SMG6: variants seen among roughly 807,000 people sequenced by gnomAD.
SMG6 encodes the protein SMG6 nonsense mediated mRNA decay factor, also known as telomerase-binding protein EST1A.
A neutral mutation model predicts 142.2 loss-of-function variants in SMG6; 66 were observed. The observed-to-expected ratio is 0.46, with a 90% CI of 0.38 to 0.57. The LOEUF (loss-of-function observed/expected upper bound fraction) is 0.57, where lower values mean the gene tolerates loss of function less well. Ranked by LOEUF, SMG6 falls within the 20% of genes least tolerant of loss-of-function variation. The probability of loss-of-function intolerance (pLI) is 0.00; values close to 1 mark genes in which losing one functional copy is unlikely to be tolerated. For missense variants in SMG6, 1,793 were observed against 1,832.0 expected, an observed-to-expected ratio of 0.98 and a Z score of 0.39; for synonymous variants, 779 against 702.4, an observed-to-expected ratio of 1.11 and a Z score of -1.72.
chr17:2,177,985 G>A (rs577832967), intron 12 of SMG6, among the ~76,000 whole-genome samples: 11 of 152,328 alleles, frequency 7.2e-5, no homozygotes, highest in African/African-American at 1.9e-4. Flanking sequence ...GCCCTGGAGA[G>A]CTTCTCACTC....
At chr17:2,092,789 T>C (rs749732916) in intron 13 of SMG6, among the ~76,000 whole-genome samples, 2 of 152,254 alleles carry the variant, frequency 1.3e-5, no homozygotes, top group South Asian at 2.1e-4. Flanking sequence ...CTGGGCTTCA[T>C]AGTTACACAG....
intron 7 of SMG6, among the ~76,000 whole-genome samples, chr17:2,283,329 G>A (rs1359471080): frequency 6.6e-6 from 1 of 152,160 alleles, no homozygotes; most frequent in Non-Finnish European, 1.5e-5. Context: ...TATTAATTCT[G>A]TAGACTGAAG....
At chr17:2,153,744 G>C (rs1439697814) in intron 13 of SMG6, among the ~76,000 whole-genome samples, 2 of 144,030 alleles carry the variant, frequency 1.4e-5, no homozygotes, top group African/African-American at 5.3e-5. Context: ...GGAACCTGGG[G>C]ATGCATCTAG....
At chr17:2,217,566 A>G (rs1240103756) in intron 10 of SMG6, among the ~76,000 whole-genome samples, 6 of 151,892 alleles carry the variant, frequency 4.0e-5, no homozygotes, top group African/African-American at 1.5e-4. Flanking sequence ...CCATCTTTAC[A>G]CTTCTCTCTG....
intron 7 of SMG6, 125 bp from the exon 8 acceptor site, chr17:2,282,984 A>C: frequency 1.3e-6 from 1 of 794,480 alleles, no homozygotes. Flanking sequence ...CAGCCTGACC[A>C]ACATAGTGAA....
rs181158942 is a variant in SMG6, at chr17:2,266,271, C to T, written c.2661+16376G>A. ...CTGTGGGTAACACAGAATATACACA[C>T]GCACGCGAACAGGATATGCTGGTAA... On this transcript the variant is annotated intron_variant, in intron 8 of 18. Coordinates refer to ENST00000263073, the MANE Select transcript of SMG6 (RefSeq NM_017575.5). 7.4e-5 allele frequency: 50 copies of T among 673,734 alleles called. No individual in the cohort carries two copies. The East Asian group carries it at 3.1e-3, about 42-fold the overall frequency. 41.7% of individuals were successfully genotyped at this position (673,734 alleles called of 1,614,324 possible).
chr17:2,141,439 A>C (rs1353694825), intron 13 of SMG6, among the ~76,000 whole-genome samples: 4 of 152,174 alleles, frequency 2.6e-5, no homozygotes, highest in Non-Finnish European at 5.9e-5. Flanking sequence ...GTTCAGTTTG[A>C]GAAGGAACTT....
intron 8 of SMG6, among the ~76,000 whole-genome samples, chr17:2,269,248 G>C (rs528007551): frequency 6.7e-6 from 1 of 149,262 alleles, no homozygotes. Context: ...AAAATTAGCC[G>C]GGTGCAGTGG....
chr17:2,234,924 A>G (rs554422515), intron 10 of SMG6, among the ~76,000 whole-genome samples: 1 of 152,296 alleles, frequency 6.6e-6, no homozygotes, highest in Admixed American at 6.5e-5. Context: ...AAGAAGCCAC[A>G]GGTCATTTGG....
Position 2,283,730 on chromosome 17 carries a change from C to G in SMG6, c.2343G>C (p.Arg781Ser). 1 of 1,613,634 alleles carries G rather than the reference C, an allele frequency of 6.2e-7. No homozygotes were observed. The highest frequency in any genetic ancestry group is 8.5e-7 in the Non-Finnish European group (1 of 1,179,650). Residue 781 changes from arginine (R) to serine (S), a missense_variant, in exon 7 of 19, where the codon AGG becomes AGC. By Grantham distance (110) the Arg-to-Ser change is moderately radical. Transcript: ENST00000263073. ...QLALLAVYTR[R>S]KLDAVYYYMR... is the part of the protein sequence containing the mutation. The stretch of plus-strand genomic sequence containing the variant: ...TATAGTAATAGACAGCGTCAAGCTT[C>G]CTCCTCTGTGGAAAGAGGCCAGAGA...
intron 13 of SMG6, among the ~76,000 whole-genome samples, chr17:2,132,339 G>GA (rs1175754324): frequency 6.6e-6 from 1 of 152,180 alleles, no homozygotes; most frequent in Non-Finnish European, 1.5e-5. Flanking sequence ...AATGTTGAAT[G>GA]AACGCGAGAA....
chr17:2,186,248 C>A (rs1404783060), intron 12 of SMG6, among the ~76,000 whole-genome samples: 1 of 135,546 alleles, frequency 7.4e-6, no homozygotes, highest in African/African-American at 3.0e-5. Flanking sequence ...CAAAGTGATA[C>A]CCTGTTTCAA....
intron 13 of SMG6, among the ~76,000 whole-genome samples, chr17:2,170,831 C>G (rs1261468516): frequency 6.6e-6 from 1 of 152,010 alleles, no homozygotes; most frequent in Non-Finnish European, 1.5e-5. Context: ...ATACACTATT[C>G]ATAACTGTAA....
At position 2,061,616 on chromosome 17, in the gene SMG6, G is replaced by T; in HGVS notation, c.4136C>A (p.Pro1379Gln). The T allele has an allele frequency of 6.4e-7, 1 of 1,571,488 alleles. No homozygotes were observed. The highest frequency in any genetic ancestry group is 8.6e-7 in the Non-Finnish European group (1 of 1,158,132). The change falls in exon 19 of 19, where the codon CCA becomes CAA. Residue 1379 changes from proline (P) to glutamine (Q), a missense_variant. By Grantham distance (76) the Pro-to-Gln change is moderately conservative. This residue lies in a region of SMG6 where 179 missense variants were observed against 212.6 expected (regional missense o/e 0.84). Transcript: ENST00000263073. ...CACCACCTCCCGCAGTAGCCGGATT[G>T]GCTCCTCTGTGGGCATGAGAGAGCA... is the stretch of plus-strand genomic sequence containing the variant. ...KDFMPASKEE[P>Q]IRLLREVVLL...
chr17:2,292,632 T>C lies in SMG6; in HGVS notation c.2259-2A>G, dbSNP rs1167551425. ...ATGTGCTGGGCCTTCAGGTACCAAC[T>C]AGAACAGAAAAAACAGTAAGAAAAT... On this transcript the variant is annotated splice_acceptor_variant, in intron 5 of 18. Transcript: ENST00000263073. LOFTEE classifies it high-confidence loss of function. The C allele has an allele frequency of 1.3e-6, 2 of 1,560,300 alleles. No homozygotes were observed. The highest frequency in any genetic ancestry group is 2.2e-5 in the South Asian group (2 of 89,006).
rs1342026129 is a variant in SMG6, at chr17:2,172,848, T to G, written c.3167A>C (p.Asp1056Ala). 3 of 1,613,900 alleles carry G rather than the reference T, an allele frequency of 1.9e-6. No individual in the cohort carries two copies. The South Asian group carries it at 3.3e-5, about 18-fold the overall frequency. ...GAAATCAGCCAGCGTCGACCATACA[T>G]CCACAGCAACACTGTGAGAAATAAG... ...SLDLPSHVAV[D>A]VWSTLADFCN... Residue 1056 changes from aspartate to alanine, a missense_variant, in exon 13 of 19, where the codon GAT becomes GCT. By Grantham distance (126) the Asp-to-Ala change is moderately radical. Around this residue, in one of 3 missense-constraint regions of SMG6, gnomAD observed 1,597 missense variants for 1,584.6 expected, o/e 1.01. Coordinates refer to ENST00000263073, the MANE Select transcript of SMG6 (RefSeq NM_017575.5).
chr17:2,116,056 T>C (rs2069495787), intron 13 of SMG6, among the ~76,000 whole-genome samples: 2 of 152,052 alleles, frequency 1.3e-5, no homozygotes. Flanking sequence ...TTAATAAAAA[T>C]ATATCTATTT....
chr17:2,088,094 G>A (rs1438326857), intron 13 of SMG6: 28 of 985,502 alleles, frequency 2.8e-5, no homozygotes, highest in Non-Finnish European at 3.3e-5. Flanking sequence ...TCACCTGGAC[G>A]ATGAGAGGTA....
intron 13 of SMG6, among the ~76,000 whole-genome samples, chr17:2,120,474 C>T (rs2069653500): frequency 6.6e-6 from 1 of 152,218 alleles, no homozygotes; most frequent in Admixed American, 6.5e-5. Context: ...ACGCCTAGCA[C>T]TTTGGACGAG....
Sources: allele counts gnomAD v4.1 joint callset (sites outside exome capture counted in the v4.1 genomes callset), GRCh38; gene constraint gnomAD v4.1.1; regional missense constraint gnomAD v4.1.1; transcripts MANE v1.5; gene names NCBI Gene and HGNC (gene_info 2026-07-23, HGNC 2026-07-21).